TENM2: variants seen among roughly 807,000 people sequenced by gnomAD.
TENM2 encodes the protein teneurin transmembrane protein 2.
TENM2 carries 52 observed loss-of-function variants against 245.2 expected under a neutral mutation model. The observed-to-expected ratio is 0.21, with a 90% CI of 0.17 to 0.27. The LOEUF (loss-of-function observed/expected upper bound fraction) is 0.27, where lower values mean the gene tolerates loss of function less well. TENM2 is among the 10% of genes least tolerant of loss of function. The probability of loss-of-function intolerance (pLI) is 1.00; values close to 1 mark genes in which losing one functional copy is unlikely to be tolerated. For missense variants in TENM2, 3,046 were observed against 3,666.8 expected (o/e 0.83, Z 4.37); for synonymous variants, 1,363 against 1,438.9 (o/e 0.95, Z 1.19).
chr5:167,215,906 T>C, the TENM2 span, among the ~76,000 whole-genome samples: 1 of 152,232 alleles, frequency 6.6e-6, no homozygotes, highest in South Asian at 2.1e-4. Context: ...GCATTATTGA[T>C]GTAAATTTAC....
chr5:167,028,202 G>T, the TENM2 span, among the ~76,000 whole-genome samples: 62 of 151,730 alleles, frequency 4.1e-4, no homozygotes, highest in East Asian at 0.012. Flanking sequence ...ATTTTTTATG[G>T]TGGCCCAAGA....
the TENM2 span, among the ~76,000 whole-genome samples, chr5:167,149,672 C>T: frequency 2.6e-5 from 4 of 152,168 alleles, no homozygotes; most frequent in African/African-American, 9.6e-5. Flanking sequence ...GATCCATTTT[C>T]TCCTGTTCTA....
intron 9 of TENM2, among the ~76,000 whole-genome samples, chr5:168,110,585 T>C (rs899445325): frequency 1.3e-5 from 2 of 152,158 alleles, no homozygotes; most frequent in Admixed American, 1.3e-4. Context: ...AGAGACAGCA[T>C]TGGATGAAAC....
At chr5:167,802,287 A>G (rs1765840903) in intron 2 of TENM2, among the ~76,000 whole-genome samples, 1 of 151,938 alleles carries the variant, frequency 6.6e-6, no homozygotes, top group Non-Finnish European at 1.5e-5. Flanking sequence ...ATTGTTTAAA[A>G]CCTTTGAACC....
the TENM2 span, among the ~76,000 whole-genome samples, chr5:167,161,025 T>G: frequency 4.3e-4 from 65 of 152,356 alleles, no homozygotes; most frequent in Middle Eastern, 3.4e-3. Flanking sequence ...AACACTAGTG[T>G]CCTGAGGAAT....
chr5:168,034,055 AT>A, intron 5 of TENM2, among the ~76,000 whole-genome samples: 4 of 146,994 alleles, frequency 2.7e-5, no homozygotes, highest in Admixed American at 1.4e-4. Flanking sequence ...GTGTGTATAT[AT>A]ATATATATGT....
intron 2 of TENM2, among the ~76,000 whole-genome samples, chr5:167,555,649 C>T (rs1017053174): frequency 1.5e-4 from 23 of 152,080 alleles, no homozygotes; most frequent in African/African-American, 5.3e-4. Context: ...AGTCAGTTGG[C>T]ATGTTCTTTC....
the TENM2 span, among the ~76,000 whole-genome samples, chr5:167,006,802 G>A: frequency 1.5e-3 from 231 of 152,206 alleles, no homozygotes; most frequent in African/African-American, 5.2e-3. Flanking sequence ...AAGTAGCTGG[G>A]ATTACAGGCA....
chr5:166,984,444 T>A, the TENM2 span, among the ~76,000 whole-genome samples: 2 of 152,150 alleles, frequency 1.3e-5, no homozygotes, highest in East Asian at 3.9e-4. Flanking sequence ...TATTTTGACA[T>A]CTCTCCTACT....
chr5:167,631,316 A>G (rs1778857078), intron 2 of TENM2, among the ~76,000 whole-genome samples: 1 of 152,194 alleles, frequency 6.6e-6, no homozygotes. Flanking sequence ...TGGGTACAGC[A>G]CACTCACTGA....
chr5:167,673,441 G>T (rs1199000568), intron 2 of TENM2, among the ~76,000 whole-genome samples: 1 of 152,086 alleles, frequency 6.6e-6, no homozygotes, highest in African/African-American at 2.4e-5. Context: ...CAATGGGGAA[G>T]TTCTCTGAAA....
At chr5:167,639,245 A>C (rs934987774) in intron 2 of TENM2, among the ~76,000 whole-genome samples, 2 of 152,208 alleles carry the variant, frequency 1.3e-5, no homozygotes, top group African/African-American at 4.8e-5. Flanking sequence ...ATTAATTTGT[A>C]TTTCCTTATT....
At chr5:167,232,124 C>A in the TENM2 span, among the ~76,000 whole-genome samples, 11 of 152,128 alleles carry the variant, frequency 7.2e-5, no homozygotes, top group East Asian at 2.1e-3. Flanking sequence ...AACTTGCCTG[C>A]AAGGATGGAG....
intron 2 of TENM2, among the ~76,000 whole-genome samples, chr5:167,679,090 A>G (rs1237061577): frequency 6.6e-6 from 1 of 152,134 alleles, no homozygotes. Context: ...AGCTCTAAGC[A>G]TGAGTTATGA....
chr5:167,880,749 C>T (rs951980805), intron 3 of TENM2, among the ~76,000 whole-genome samples: 2 of 152,172 alleles, frequency 1.3e-5, no homozygotes, highest in African/African-American at 4.8e-5. Context: ...AACAATTCTA[C>T]AAATGTCCAA....
chr5:168,173,225 C>T (rs1208451412), intron 13 of TENM2, among the ~76,000 whole-genome samples: 2 of 152,124 alleles, frequency 1.3e-5, no homozygotes, highest in African/African-American at 2.4e-5. Context: ...ATAGAGTCCC[C>T]GGCAGCTGCA....
exon 16 of TENM2, chr5:168,198,963 T>C (rs2152527703): frequency 1.2e-6 from 2 of 1,614,048 alleles, no homozygotes; most frequent in South Asian, 2.2e-5. Context: ...TTTTACGCCA[T>C]GGACACCCTG....
chr5:167,114,994 A>T, the TENM2 span, among the ~76,000 whole-genome samples: 1 of 152,260 alleles, frequency 6.6e-6, no homozygotes. Flanking sequence ...AGTAAAGGGC[A>T]TTAGCATCAG....
At chr5:167,798,014 G>GTTTT (rs1765443504) in intron 2 of TENM2, among the ~76,000 whole-genome samples, 3 of 152,214 alleles carry the variant, frequency 2.0e-5, no homozygotes, top group Admixed American at 2.0e-4. Context: ...ATTTTAGTAA[G>GTTTT]TGATTATTAA....
Sources: allele counts gnomAD v4.1 joint callset (sites outside exome capture counted in the v4.1 genomes callset), GRCh38; gene constraint gnomAD v4.1.1; transcripts MANE v1.5; gene names NCBI Gene and HGNC (gene_info 2026-07-23, HGNC 2026-07-21).